Variants in ZNF536 observed in about 807,000 individuals in gnomAD.
ZNF536 encodes zinc finger protein 536.
A neutral mutation model predicts 84.5 loss-of-function variants in ZNF536; 13 were observed. That is an observed-to-expected ratio of 0.15 (90% CI 0.10 to 0.24). The LOEUF (loss-of-function observed/expected upper bound fraction) is 0.24, where lower values mean the gene tolerates loss of function less well. Among genes scored for constraint, ZNF536 ranks in the 10% least tolerant of loss-of-function variants. The pLI is 1.00. For missense variants in ZNF536, 1,536 were observed against 1,747.5 expected (o/e 0.88, Z 2.16); for synonymous variants, 811 against 742.5 (o/e 1.09, Z -1.50).
chr19:30,447,883 G>T (rs537781499), intron 2 of ZNF536, among the ~76,000 whole-genome samples: 2 of 152,122 alleles, frequency 1.3e-5, no homozygotes, highest in African/African-American at 4.8e-5. Flanking sequence ...TAAGGGTCTC[G>T]GCAGAATATT....
At chr19:30,366,645 C>T (rs2048447089) in intron 3 of ZNF536, among the ~76,000 whole-genome samples, 1 of 151,534 alleles carries the variant, frequency 6.6e-6, no homozygotes, top group African/African-American at 2.4e-5. Context: ...CCATCTATCC[C>T]CTATTTTCCC....
At chr19:30,552,072 A>T (rs147545838) in intron 4 of ZNF536, among the ~76,000 whole-genome samples, 1,559 of 152,164 alleles carry the variant, frequency 0.01, 28 homozygotes, top group African/African-American at 0.036. Context: ...CTCTCTTTTT[A>T]GCATGGCAAG....
intron 3 of ZNF536, among the ~76,000 whole-genome samples, chr19:30,542,274 A>G (rs556310345): frequency 3.3e-5 from 5 of 152,292 alleles, no homozygotes; most frequent in African/African-American, 1.2e-4. Context: ...CCTTTGACAT[A>G]TCAACAGCAA....
At chr19:30,447,366 C>T (rs893332835) in intron 2 of ZNF536, among the ~76,000 whole-genome samples, 18 of 152,040 alleles carry the variant, frequency 1.2e-4, no homozygotes, top group African/African-American at 1.9e-4. Flanking sequence ...GGGACTCTGC[C>T]GGCTTATTAC....
intron 2 of ZNF536, among the ~76,000 whole-genome samples, chr19:30,527,966 T>G (rs2044661178): frequency 6.6e-6 from 1 of 152,102 alleles, no homozygotes; most frequent in African/African-American, 2.4e-5. Flanking sequence ...CACAAATAGT[T>G]TTTTTTCTTC....
chr19:30,238,834 T>A (rs79518048), intron 1 of ZNF536, among the ~76,000 whole-genome samples: 39,892 of 149,580 alleles, frequency 0.27, 5,535 homozygotes, highest in Middle Eastern at 0.35. Flanking sequence ...AAAAAAAAAA[T>A]ATATATATAC....
chr19:30,541,083 A>G (rs2045311140), intron 3 of ZNF536, among the ~76,000 whole-genome samples: 1 of 152,148 alleles, frequency 6.6e-6, no homozygotes, highest in Non-Finnish European at 1.5e-5. Context: ...GAGCTGATAA[A>G]CTCATGCTAT....
At chr19:30,225,878 T>G (rs2022584821), upstream of ZNF536, among the ~76,000 whole-genome samples, 1 of 138,540 alleles carries the variant, frequency 7.2e-6, no homozygotes, top group Non-Finnish European at 1.5e-5. Flanking sequence ...CCATCGCGAT[T>G]AAAAAATACG....
chr19:30,290,417 A>T (rs1056477143), intron 2 of ZNF536, among the ~76,000 whole-genome samples: 2 of 152,142 alleles, frequency 1.3e-5, no homozygotes, highest in Non-Finnish European at 2.9e-5. Context: ...AACTGGGACT[A>T]CACGTGCACA....
chr19:30,307,876 T>C (rs974400783), intron 2 of ZNF536, among the ~76,000 whole-genome samples: 12 of 152,216 alleles, frequency 7.9e-5, no homozygotes, highest in African/African-American at 2.9e-4. Context: ...TAACTTGGCC[T>C]CTCTTTGCAG....
At chr19:30,536,421 TAAC>T (rs1320096936) in intron 3 of ZNF536, among the ~76,000 whole-genome samples, 1 of 152,126 alleles carries the variant, frequency 6.6e-6, no homozygotes, top group Non-Finnish European at 1.5e-5. Context: ...TTTATAAACT[TAAC>T]AATTTCAGAA....
intron 1 of ZNF536, among the ~76,000 whole-genome samples, chr19:30,416,707 C>T (rs1427121593): frequency 6.6e-6 from 1 of 152,106 alleles, no homozygotes; most frequent in Admixed American, 6.5e-5. Flanking sequence ...TTTTCCCCAC[C>T]ACGTTGATGA....
At chr19:30,502,746 G>A (rs2055002264) in intron 2 of ZNF536, among the ~76,000 whole-genome samples, 1 of 152,124 alleles carries the variant, frequency 6.6e-6, no homozygotes, top group Non-Finnish European at 1.5e-5. Flanking sequence ...TGTGTTGAAG[G>A]GTGTCACACA....
intron 3 of ZNF536, among the ~76,000 whole-genome samples, chr19:30,539,792 G>A (rs576562991): frequency 6.6e-6 from 1 of 152,296 alleles, no homozygotes; most frequent in East Asian, 1.9e-4. Flanking sequence ...CCTGGGGGAG[G>A]CGTGACCCCC....
intron 2 of ZNF536, among the ~76,000 whole-genome samples, chr19:30,526,001 G>A (rs1320514333): frequency 6.6e-6 from 1 of 152,228 alleles, no homozygotes; most frequent in African/African-American, 2.4e-5. Context: ...GATGGCAGCG[G>A]CCTGGGCTGA....
intron 2 of ZNF536, among the ~76,000 whole-genome samples, chr19:30,476,164 G>T (rs2053837482): frequency 6.6e-6 from 1 of 152,138 alleles, no homozygotes; most frequent in Non-Finnish European, 1.5e-5. Context: ...GGTTAGGGCT[G>T]GGGACTGGGG....
At chr19:30,303,812 G>A (rs1391083868) in intron 2 of ZNF536, among the ~76,000 whole-genome samples, 1 of 152,152 alleles carries the variant, frequency 6.6e-6, no homozygotes, top group Non-Finnish European at 1.5e-5. Context: ...TTATTAGGCA[G>A]GGATAGCAGA....
intron 1 of ZNF536, among the ~76,000 whole-genome samples, chr19:30,607,197 C>A (rs1322456656): frequency 5.9e-5 from 9 of 152,186 alleles, no homozygotes; most frequent in African/African-American, 2.2e-4. Context: ...ATCATACTTT[C>A]TACACCTTGT....
chr19:30,704,586 G>T (rs1449738315), intron 1 of ZNF536, among the ~76,000 whole-genome samples: 3 of 147,144 alleles, frequency 2.0e-5, no homozygotes, highest in Non-Finnish European at 4.4e-5. Context: ...GGCAGAGGTT[G>T]CAGTGAGCTG....
Sources: allele counts gnomAD v4.1 joint callset (sites outside exome capture counted in the v4.1 genomes callset), GRCh38; gene constraint gnomAD v4.1.1; transcripts MANE v1.5; gene names NCBI Gene and HGNC (gene_info 2026-07-23, HGNC 2026-07-21).